Variants in GALNT13 observed in about 807,000 individuals in gnomAD.
GALNT13 encodes UDP-GalNAc:polypeptide N-acetylgalactosaminyltransferase 13.
A neutral mutation model predicts 64.2 loss-of-function variants in GALNT13; 28 were observed. That is an observed-to-expected ratio of 0.44 (90% CI 0.32 to 0.60). The LOEUF (loss-of-function observed/expected upper bound fraction) is 0.60. Ranked by LOEUF, GALNT13 falls within the 20% of genes least tolerant of loss-of-function variation. GALNT13 has a pLI of 0.05. For synonymous variants in GALNT13, 214 were observed against 224.6 expected, an observed-to-expected ratio of 0.95 and a Z score of 0.42; for missense variants, 577 against 669.8, an observed-to-expected ratio of 0.86 and a Z score of 1.53.
intron 3 of GALNT13, among the ~76,000 whole-genome samples, chr2:153,961,270 G>A (rs6739800): frequency 0.24 from 37,117 of 152,066 alleles, 7,343 homozygotes; most frequent in East Asian, 0.75. Flanking sequence ...TGAAATGTCA[G>A]CACATCAATG....
the GALNT13 span, among the ~76,000 whole-genome samples, chr2:153,356,816 GAGA>G: frequency 2.7e-5 from 1 of 36,662 alleles, no homozygotes. Flanking sequence ...TTTTTTTTTT[GAGA>G]CGGAGTCTTG....
At chr2:153,410,650 T>C in the GALNT13 span, among the ~76,000 whole-genome samples, 2 of 152,140 alleles carry the variant, frequency 1.3e-5, no homozygotes, top group Non-Finnish European at 2.9e-5. Flanking sequence ...ATTCTCTTGT[T>C]AAAAAAGTTT....
the GALNT13 span, among the ~76,000 whole-genome samples, chr2:153,367,324 A>G: frequency 6.6e-6 from 1 of 152,122 alleles, no homozygotes; most frequent in South Asian, 2.1e-4. Context: ...ATTACATCAG[A>G]TGTGAAGCAG....
chr2:153,806,560 C>T, the GALNT13 span, among the ~76,000 whole-genome samples: 1 of 151,154 alleles, frequency 6.6e-6, no homozygotes, highest in African/African-American at 2.4e-5. Context: ...GCCAATGTCA[C>T]AGAAAGAAAG....
chr2:153,404,500 A>AT, the GALNT13 span, among the ~76,000 whole-genome samples: 14 of 147,600 alleles, frequency 9.5e-5, no homozygotes, highest in African/African-American at 3.6e-4. Flanking sequence ...CCTAATTGTG[A>AT]TTTTTTTCAA....
chr2:153,548,495 G>A, the GALNT13 span, among the ~76,000 whole-genome samples: 3 of 152,116 alleles, frequency 2.0e-5, no homozygotes, highest in Non-Finnish European at 2.9e-5. Flanking sequence ...AGAGCTTTGA[G>A]AGACACCCGA....
the GALNT13 span, among the ~76,000 whole-genome samples, chr2:153,859,966 T>C: frequency 1.3e-5 from 2 of 152,200 alleles, no homozygotes; most frequent in Non-Finnish European, 2.9e-5. Flanking sequence ...GTTCCTCTTT[T>C]CATTGGTACT....
At chr2:153,514,942 T>C in the GALNT13 span, among the ~76,000 whole-genome samples, 13 of 152,140 alleles carry the variant, frequency 8.5e-5, no homozygotes, top group African/African-American at 2.4e-4. Context: ...CTCCCCATCC[T>C]GTTTCCTCTG....
At chr2:153,932,893 G>C (rs145759369) in intron 2 of GALNT13, among the ~76,000 whole-genome samples, 1 of 152,002 alleles carries the variant, frequency 6.6e-6, no homozygotes, top group Non-Finnish European at 1.5e-5. Flanking sequence ...TTCCCAAAAT[G>C]CTGGGATTAC....
At chr2:153,798,170 T>C in the GALNT13 span, among the ~76,000 whole-genome samples, 1 of 152,212 alleles carries the variant, frequency 6.6e-6, no homozygotes, top group Non-Finnish European at 1.5e-5. Context: ...TGGTAGCTTA[T>C]CTTGATCTTA....
chr2:153,520,928 T>C, the GALNT13 span, among the ~76,000 whole-genome samples: 7 of 152,216 alleles, frequency 4.6e-5, no homozygotes, highest in Non-Finnish European at 7.4e-5. Context: ...GATAATTGAA[T>C]AGAGATTTCT....
chr2:153,347,740 G>A, the GALNT13 span, among the ~76,000 whole-genome samples: 1 of 152,148 alleles, frequency 6.6e-6, no homozygotes, highest in Non-Finnish European at 1.5e-5. Context: ...ACTAAGACAG[G>A]AAGAATCATA....
intron 3 of GALNT13, among the ~76,000 whole-genome samples, chr2:153,988,269 T>A (rs11890069): frequency 1.3e-5 from 2 of 151,552 alleles, no homozygotes; most frequent in African/African-American, 4.8e-5. Context: ...CTAAAACTTA[T>A]TCTTCTTGTC....
chr2:154,316,879 G>GT (rs1694347047), intron 9 of GALNT13, among the ~76,000 whole-genome samples: 1 of 152,136 alleles, frequency 6.6e-6, no homozygotes, highest in Admixed American at 6.6e-5. Context: ...CTTTGCCTAT[G>GT]TTATATAAAC....
At chr2:154,283,553 G>A (rs1692081014) in intron 8 of GALNT13, among the ~76,000 whole-genome samples, 1 of 148,028 alleles carries the variant, frequency 6.8e-6, no homozygotes, top group Admixed American at 6.8e-5. Flanking sequence ...ACTCCAGCCT[G>A]GGCGACAGAG....
the GALNT13 span, among the ~76,000 whole-genome samples, chr2:153,441,447 A>G: frequency 6.6e-6 from 1 of 152,236 alleles, no homozygotes; most frequent in South Asian, 2.1e-4. Context: ...ATTTGGCTCC[A>G]TATGAAATTT....
the GALNT13 span, among the ~76,000 whole-genome samples, chr2:153,164,581 C>T: frequency 2.6e-5 from 4 of 152,072 alleles, no homozygotes; most frequent in Non-Finnish European, 5.9e-5. Flanking sequence ...ACATCTGTGA[C>T]CCCATCATCA....
At chr2:153,858,152 A>G in the GALNT13 span, among the ~76,000 whole-genome samples, 4 of 152,184 alleles carry the variant, frequency 2.6e-5, no homozygotes, top group Admixed American at 6.6e-5. Context: ...AGAAGATGAC[A>G]TTAAAGTCAA....
chr2:153,365,466 C>A, the GALNT13 span, among the ~76,000 whole-genome samples: 2 of 151,694 alleles, frequency 1.3e-5, no homozygotes, highest in Admixed American at 1.3e-4. Context: ...CCTACAGAGT[C>A]GGAGAAAATT....
Sources: allele counts gnomAD v4.1 joint callset (sites outside exome capture counted in the v4.1 genomes callset), GRCh38; gene constraint gnomAD v4.1.1; transcripts MANE v1.5; gene names NCBI Gene and HGNC (gene_info 2026-07-23, HGNC 2026-07-21).